The following GPA33 variants were observed in gnomAD, a reference collection of about 807,000 sequenced individuals.
GPA33 encodes the protein glycoprotein A33, also known as cell surface A33 antigen.
Under a neutral mutation model 35.6 loss-of-function variants are expected in GPA33, and 27 were observed. The ratio of observed to expected loss-of-function variants is 0.76; its 90% CI spans 0.56 to 1.04. The LOEUF is 1.04. Among genes scored for constraint, GPA33 ranks in the 50% least tolerant of loss-of-function variants. GPA33 has a pLI of 0.00. For missense variants in GPA33, 428 were observed against 411.9 expected (o/e 1.04, Z -0.34); for synonymous variants, 176 against 164.0 (o/e 1.07, Z -0.56).
At chr1:167,084,086 C>G (rs541053246) in intron 1 of GPA33, among the ~76,000 whole-genome samples, 1 of 152,234 alleles carries the variant, frequency 6.6e-6, no homozygotes, top group East Asian at 1.9e-4. Context: ...GGGCCTGGCG[C>G]TTATCGGCCA....
intron 4 of GPA33, among the ~76,000 whole-genome samples, chr1:167,059,779 G>A (rs1666393289): frequency 6.6e-6 from 1 of 152,048 alleles, no homozygotes; most frequent in Non-Finnish European, 1.5e-5. Flanking sequence ...TTTTTCAAAG[G>A]GCAGTACTAA....
In GPA33 at chr1:167,076,392, T is replaced by C. The variant is rs576494333; in HGVS notation, c.44-2853A>G. Among the ~76,000 whole-genome samples the C allele has an allele frequency of 4.6e-5, 7 of 152,174 alleles. No homozygotes were observed. In the East Asian group the frequency reaches 1.4e-3, roughly 29 times the overall value. ...TGGTGGTAGAAGGGTGAGCAAGTTC[T>C]TACTGAATGTTCCCATGATGAGGCT... is the stretch of plus-strand genomic sequence containing the variant. On this transcript the variant is annotated intron_variant, in intron 1 of 6. Coordinates refer to ENST00000367868, the MANE Select transcript of GPA33 (RefSeq NM_005814.3).
chr1:167,057,374 C>T (rs115624316), intron 4 of GPA33, among the ~76,000 whole-genome samples: 1 of 151,872 alleles, frequency 6.6e-6, no homozygotes, highest in Non-Finnish European at 1.5e-5. Flanking sequence ...AGCTGGAGAC[C>T]TACCTCCTCT....
intron 1 of GPA33, among the ~76,000 whole-genome samples, chr1:167,083,911 G>A (rs1332824786): frequency 1.3e-5 from 2 of 152,072 alleles, no homozygotes; most frequent in African/African-American, 4.8e-5. Flanking sequence ...AAATAAACTT[G>A]TCCAAATACA....
intron 2 of GPA33, among the ~76,000 whole-genome samples, chr1:167,070,467 T>TC (rs1013057747): frequency 2.6e-5 from 4 of 152,084 alleles, no homozygotes; most frequent in African/African-American, 9.7e-5. Context: ...GTTAAAGGCC[T>TC]CCCCCAAGTT....
chr1:167,071,024 G>C (rs1372802175), intron 2 of GPA33, among the ~76,000 whole-genome samples: 1 of 152,176 alleles, frequency 6.6e-6, no homozygotes, highest in African/African-American at 2.4e-5. Flanking sequence ...GAGTCAGTAA[G>C]AGCCAGACAG....
rs1667128282 is a variant in GPA33 at position 167,090,280 on chromosome 1, C to T, written c.8G>A (p.Gly3Glu). The change falls in exon 1 of 7, where the codon GGG becomes GAG. Residue 3 changes from glycine (G) to glutamate (E), a missense_variant. Transcript: ENST00000367868. ...TGTCCACAACACAGGCCACATCTTC[C>T]CCACCATGGTCTTGCTTCTTCTCTG... The part of the protein sequence containing the change: MV[G>E]KMWPVLWTLC... 1.2e-6 allele frequency: 2 copies of T among 1,613,702 alleles called. No individual in the cohort carries two copies. The highest frequency in any genetic ancestry group is 1.7e-6 in the Non-Finnish European group (2 of 1,179,600).
intron 5 of GPA33, 94 bp downstream of exon 5, chr1:167,055,636 C>G: frequency 7.1e-7 from 1 of 1,402,648 alleles, no homozygotes; most frequent in South Asian, 1.2e-5. Context: ...AGAGGTTCCC[C>G]TATTCCTCCT....
chr1:167,085,318 A>G (rs1201147936), intron 1 of GPA33, among the ~76,000 whole-genome samples: 1 of 152,234 alleles, frequency 6.6e-6, no homozygotes, highest in Non-Finnish European at 1.5e-5. Flanking sequence ...TCTCATGGGA[A>G]CCAACAGGAC....
intron 3 of GPA33, among the ~76,000 whole-genome samples, chr1:167,065,968 G>A (rs1666583747): frequency 6.6e-6 from 1 of 152,142 alleles, no homozygotes; most frequent in Non-Finnish European, 1.5e-5. Flanking sequence ...AAGAGAAGGT[G>A]AACACCACTT....
Position 167,067,943 on chromosome 1 carries a change from C to G in GPA33, c.415+979G>C, listed in dbSNP as rs1054790153. Among the ~76,000 whole-genome samples, 9 of 152,140 alleles carry G rather than the reference C, an allele frequency of 5.9e-5. No homozygotes were observed. The South Asian group carries it at 8.3e-4, about 14-fold the overall frequency. On this transcript the variant is annotated intron_variant, in intron 3 of 6. Coordinates refer to ENST00000367868, the MANE Select transcript of GPA33 (RefSeq NM_005814.3). ...ACCTGTGTTGCCATTGGCTACCTCT[C>G]TAGGGGGTAGGGTGGAAGGAGACCT...
chr1:167,056,816 GCAGCGTT>G (rs1558002176), intron 4 of GPA33, among the ~76,000 whole-genome samples: 2 of 95,382 alleles, frequency 2.1e-5, no homozygotes, highest in Non-Finnish European at 4.5e-5. Flanking sequence ...TGTGTATGTG[GCAGCGTT>G]TGTAGTGTGT....
chr1:167,054,452 T>C lies in GPA33; in HGVS notation c.842A>G (p.Tyr281Cys), dbSNP rs1267734064. The C allele has an allele frequency of 6.2e-7, 1 of 1,613,892 alleles. No homozygotes were observed. The highest frequency in any genetic ancestry group is 8.5e-7 in the Non-Finnish European group (1 of 1,179,984). The change falls in exon 7 of 7, where the codon TAT (tyrosine) becomes TGT (cysteine). Residue 281 changes from tyrosine to cysteine, a missense_variant. Transcript: ENST00000367868. Reference protein sequence around the residue: ...KEDARPNREAYEEPPEQLREL... With the variant: ...KEDARPNREACEEPPEQLREL... Reference sequence around the variant, plus strand: ...TCTTAGCTGCTCTGGTGGCTCCTCATAGGCTTCCCGGTTCCTGCAGGGCAG... The same window carrying C: ...TCTTAGCTGCTCTGGTGGCTCCTCACAGGCTTCCCGGTTCCTGCAGGGCAG...
chr1:167,058,838 G>A (rs1666368775), intron 4 of GPA33, among the ~76,000 whole-genome samples: 1 of 152,200 alleles, frequency 6.6e-6, no homozygotes, highest in African/African-American at 2.4e-5. Flanking sequence ...TGAGCACTGG[G>A]AACTTCTGAC....
intron 4 of GPA33, among the ~76,000 whole-genome samples, chr1:167,061,792 CG>C (rs1571306414): frequency 6.6e-6 from 1 of 151,884 alleles, no homozygotes; most frequent in East Asian, 1.9e-4. Flanking sequence ...TTAGTAGAGA[CG>C]GGGTTTCACC....
intron 3 of GPA33, 96 bp downstream of exon 3, chr1:167,068,826 T>C (rs1035484059): frequency 2.1e-5 from 18 of 843,744 alleles, no homozygotes; most frequent in Non-Finnish European, 3.3e-5. Flanking sequence ...TCCTTGTTGC[T>C]GCCTCTGGCT....
At chr1:167,080,574 C>T (rs947919950) in intron 1 of GPA33, among the ~76,000 whole-genome samples, 19 of 152,220 alleles carry the variant, frequency 1.2e-4, no homozygotes, top group African/African-American at 4.1e-4. Flanking sequence ...CTCTTTCTTA[C>T]TTTTCCTAAC....
Position 167,069,111 on chromosome 1 carries a change from T to C in GPA33, c.226A>G (p.Asn76Asp). 1 of 1,613,892 alleles carries C rather than the reference T, an allele frequency of 6.2e-7. No individual in the cohort carries two copies. The highest frequency in any genetic ancestry group is 8.5e-7 in the Non-Finnish European group (1 of 1,179,822). ...AGCTCACCATGGATGTAGTTTTTGT[T>C]TGAAAACGGCCAGATGACCACCCTT... ...TERVVIWPFS[N>D]KNYIHGELYK... Residue 76 changes from asparagine (N) to aspartate (D), a missense_variant, in exon 3 of 7, where the codon AAC becomes GAC. Physicochemically the swap from Asn to Asp is conservative, Grantham distance 23 (BLOSUM62 1). Transcript: ENST00000367868.
At chr1:167,079,574 G>T (rs985009932) in intron 1 of GPA33, among the ~76,000 whole-genome samples, 1 of 152,128 alleles carries the variant, frequency 6.6e-6, no homozygotes, top group South Asian at 2.1e-4. Flanking sequence ...AACCTGAGAA[G>T]CATCTTAAAA....
Sources: gnomAD v4.1 joint callset for allele counts (sites outside exome capture counted in the v4.1 genomes callset) on GRCh38, gnomAD v4.1.1 for gene constraint, MANE v1.5 for transcripts, NCBI Gene and HGNC (gene_info 2026-07-23, HGNC 2026-07-21) for gene names.